Variants in ARSJ observed in about 807,000 individuals in gnomAD.
The protein encoded by ARSJ is arylsulfatase family member J.
In ARSJ, 26 loss-of-function variants were observed where a neutral mutation model predicts 35.9. That is an observed-to-expected ratio of 0.72 (90% CI 0.53 to 1.00). ARSJ has a LOEUF of 1.00. Among genes scored for constraint, ARSJ ranks in the 50% least tolerant of loss-of-function variants. ARSJ has a pLI of 0.00. For synonymous variants in ARSJ, 294 were observed against 267.6 expected, an observed-to-expected ratio of 1.10 and a Z score of -0.96; for missense variants, 667 against 723.6, an observed-to-expected ratio of 0.92 and a Z score of 0.90.
chr4:113,947,568 GAGGAAAGAAGGGAA>G (rs1725572817), intron 1 of ARSJ, among the ~76,000 whole-genome samples: 1 of 132,078 alleles, frequency 7.6e-6, no homozygotes, highest in Non-Finnish European at 1.6e-5. Context: ...GTGAGGGAGG[GAGGAAAGAAGGGAA>G]AGGAAGGAAG....
At chr4:113,938,626 T>C (rs1024557968) in intron 1 of ARSJ, among the ~76,000 whole-genome samples, 1 of 152,026 alleles carries the variant, frequency 6.6e-6, no homozygotes, top group Non-Finnish European at 1.5e-5. Context: ...GAGAAAATTT[T>C]TGCAATCTGT....
intron 1 of ARSJ, among the ~76,000 whole-genome samples, chr4:113,976,690 A>C (rs1386169025): frequency 6.6e-6 from 1 of 152,242 alleles, no homozygotes; most frequent in Non-Finnish European, 1.5e-5. Flanking sequence ...AAATCAAATC[A>C]CAGTAGCTAT....
chr4:113,921,275 G>A (rs2149258777), intron 1 of ARSJ, among the ~76,000 whole-genome samples: 1 of 152,208 alleles, frequency 6.6e-6, no homozygotes, highest in East Asian at 1.9e-4. Flanking sequence ...ACTGTGCTGA[G>A]TATTACTCAT....
At chr4:113,912,558 G>A (rs1284468667) in intron 1 of ARSJ, among the ~76,000 whole-genome samples, 2 of 152,016 alleles carry the variant, frequency 1.3e-5, no homozygotes, top group East Asian at 3.9e-4. Flanking sequence ...TGTTTATGAT[G>A]TATTATTAAG....
chr4:113,918,644 C>A (rs1417495241), intron 1 of ARSJ, among the ~76,000 whole-genome samples: 2 of 152,066 alleles, frequency 1.3e-5, no homozygotes, highest in African/African-American at 4.8e-5. Flanking sequence ...GCCAAACATT[C>A]TTTCTTTAAA....
intron 1 of ARSJ, among the ~76,000 whole-genome samples, chr4:113,956,163 A>G (rs999603607): frequency 5.3e-5 from 8 of 151,974 alleles, no homozygotes; most frequent in African/African-American, 1.9e-4. Flanking sequence ...CTGGTTTCAA[A>G]GAGTTTGTAG....
chr4:113,942,998 T>C (rs1163609764), intron 1 of ARSJ, among the ~76,000 whole-genome samples: 1 of 152,032 alleles, frequency 6.6e-6, no homozygotes, highest in Admixed American at 6.6e-5. Flanking sequence ...AAGGTAGATT[T>C]TGAATCTCTT....
At chr4:113,905,034 A>C (rs1292164199) in intron 1 of ARSJ, among the ~76,000 whole-genome samples, 1 of 152,232 alleles carries the variant, frequency 6.6e-6, no homozygotes, top group Non-Finnish European at 1.5e-5. Flanking sequence ...AATTAAGTGA[A>C]TGTTAATTTC....
intron 1 of ARSJ, chr4:113,946,413 T>C (rs1725486069): frequency 6.6e-6 from 1 of 151,748 alleles, no homozygotes; most frequent in African/African-American, 2.4e-5. Context: ...TAAAAAATTG[T>C]GCCTAAAAGA....
intron 1 of ARSJ, among the ~76,000 whole-genome samples, chr4:113,939,104 G>T (rs1337208770): frequency 1.5e-5 from 2 of 131,786 alleles, no homozygotes; most frequent in Admixed American, 9.0e-5. Flanking sequence ...ATGTTCCCCT[G>T]CCTGTGTCCA....
At chr4:113,905,040 A>G (rs1052655246) in intron 1 of ARSJ, among the ~76,000 whole-genome samples, 4 of 152,174 alleles carry the variant, frequency 2.6e-5, no homozygotes, top group Non-Finnish European at 5.9e-5. Context: ...GTGAATGTTA[A>G]TTTCTTGCAT....
At position 113,903,509 on chromosome 4, in the gene ARSJ, T is replaced by C; in HGVS notation, c.565A>G (p.Thr189Ala). 1 of 1,614,210 alleles carries C rather than the reference T, an allele frequency of 6.2e-7. No individual in the cohort carries two copies. The highest frequency in any genetic ancestry group is 8.5e-7 in the Non-Finnish European group (1 of 1,180,030). ...LGFYRKECMP[T>A]RRGFDTFFGS... ...AAAAAGGTATCAAATCCTCTTCTGG[T>C]GGGCATGCATTCTTTTCTGTAAAAA... Residue 189 changes from threonine (T) to alanine (A), a missense_variant, in exon 2 of 2, where the codon ACC (threonine) becomes GCC (alanine). Physicochemically the swap from Thr to Ala is moderately conservative, Grantham distance 58 (BLOSUM62 0). Coordinates refer to ENST00000315366, the MANE Select transcript of ARSJ (RefSeq NM_024590.4).
chr4:113,907,031 A>C (rs1301448231), intron 1 of ARSJ, among the ~76,000 whole-genome samples: 1 of 152,226 alleles, frequency 6.6e-6, no homozygotes, highest in Non-Finnish European at 1.5e-5. Flanking sequence ...CAGCACCCTC[A>C]ACCTGCCCCA....
At chr4:113,967,316 A>G (rs1216903473) in intron 1 of ARSJ, among the ~76,000 whole-genome samples, 1 of 152,154 alleles carries the variant, frequency 6.6e-6, no homozygotes, top group African/African-American at 2.4e-5. Flanking sequence ...TTGGAACAAA[A>G]TTTATAGGAG....
At chr4:113,904,768 C>T (rs1297672954) in intron 1 of ARSJ, among the ~76,000 whole-genome samples, 5 of 152,166 alleles carry the variant, frequency 3.3e-5, no homozygotes, top group African/African-American at 1.2e-4. Flanking sequence ...GGATTGCAGG[C>T]GTGAGCCACA....
At chr4:113,918,373 T>C (rs1723452215) in intron 1 of ARSJ, among the ~76,000 whole-genome samples, 1 of 152,196 alleles carries the variant, frequency 6.6e-6, no homozygotes, top group African/African-American at 2.4e-5. Context: ...AAAATATTTA[T>C]GTTATGTGTA....
chr4:113,952,307 A>C (rs1035921339), intron 1 of ARSJ, among the ~76,000 whole-genome samples: 2 of 152,086 alleles, frequency 1.3e-5, no homozygotes, highest in East Asian at 3.9e-4. Flanking sequence ...AACTTACTGA[A>C]TAAAAACCAA....
chr4:113,972,281 A>G (rs1345751434), intron 1 of ARSJ, among the ~76,000 whole-genome samples: 2 of 136,114 alleles, frequency 1.5e-5, no homozygotes, highest in African/African-American at 5.5e-5. Context: ...TTACTTTCTA[A>G]GAGATGATCT....
intron 1 of ARSJ, among the ~76,000 whole-genome samples, chr4:113,928,642 G>C (rs553443799): frequency 6.6e-6 from 1 of 152,250 alleles, no homozygotes; most frequent in African/African-American, 2.4e-5. Context: ...TGATGGTTGA[G>C]TGCCACCACT....
Sources: allele counts gnomAD v4.1 joint callset (sites outside exome capture counted in the v4.1 genomes callset), GRCh38; gene constraint gnomAD v4.1.1; transcripts MANE v1.5; gene names NCBI Gene and HGNC (gene_info 2026-07-23, HGNC 2026-07-21).